SORCS1: variants seen among roughly 807,000 people sequenced by gnomAD.
SORCS1 encodes VPS10 domain-containing receptor SorCS1.
Under a neutral mutation model 146.1 loss-of-function variants are expected in SORCS1, and 60 were observed. That is an observed-to-expected ratio of 0.41 (90% CI 0.33 to 0.51). The LOEUF (loss-of-function observed/expected upper bound fraction) is 0.51. SORCS1 is among the 20% of genes least tolerant of loss of function. The pLI, the probability that SORCS1 is intolerant of heterozygous loss-of-function variation, is 0.21. For synonymous variants in SORCS1, 637 were observed against 584.0 expected (o/e 1.09, Z -1.31); for missense variants, 1,352 against 1,487.6 (o/e 0.91, Z 1.50).
At chr10:107,007,338 A>G (rs775097332) in intron 1 of SORCS1, among the ~76,000 whole-genome samples, 6 of 152,216 alleles carry the variant, frequency 3.9e-5, no homozygotes, top group Non-Finnish European at 8.8e-5. Flanking sequence ...ACAAACTGTT[A>G]GCTTCCACTT....
At chr10:107,065,333 G>A (rs893658009) in intron 1 of SORCS1, among the ~76,000 whole-genome samples, 6 of 152,108 alleles carry the variant, frequency 3.9e-5, no homozygotes, top group African/African-American at 9.7e-5. Context: ...GCAGCAAATC[G>A]TATTTAATAA....
intron 1 of SORCS1, among the ~76,000 whole-genome samples, chr10:107,081,289 C>T (rs185542437): frequency 6.6e-6 from 1 of 152,286 alleles, no homozygotes; most frequent in Non-Finnish European, 1.5e-5. Flanking sequence ...CACAGGCTAA[C>T]CCCAAATAAA....
intron 3 of SORCS1, among the ~76,000 whole-genome samples, chr10:106,798,103 C>T (rs1377089242): frequency 1.3e-5 from 2 of 152,090 alleles, no homozygotes; most frequent in African/African-American, 4.8e-5. Flanking sequence ...CCATGCTGTT[C>T]TTGTGATAGC....
intron 2 of SORCS1, among the ~76,000 whole-genome samples, chr10:106,915,558 C>T (rs1184975468): frequency 3.3e-5 from 5 of 152,140 alleles, no homozygotes; most frequent in Non-Finnish European, 7.4e-5. Flanking sequence ...CTCTCCCAGG[C>T]CCACTCTACT....
intron 3 of SORCS1, among the ~76,000 whole-genome samples, chr10:106,809,937 T>C (rs1201512895): frequency 3.3e-5 from 5 of 152,172 alleles, no homozygotes; most frequent in African/African-American, 9.7e-5. Flanking sequence ...AATGTTTAAG[T>C]TAGCCAAAAG....
chr10:106,595,755 C>T (rs537914938), intron 24 of SORCS1, among the ~76,000 whole-genome samples: 2 of 152,124 alleles, frequency 1.3e-5, no homozygotes, highest in African/African-American at 2.4e-5. Context: ...TCAGCATCCC[C>T]AAAGCCCTTT....
chr10:106,644,417 G>A (rs1268337168), intron 18 of SORCS1, among the ~76,000 whole-genome samples: 1 of 151,666 alleles, frequency 6.6e-6, no homozygotes, highest in Non-Finnish European at 1.5e-5. Context: ...CCCAGGCTGG[G>A]GTGCAGTAGT....
intron 2 of SORCS1, among the ~76,000 whole-genome samples, chr10:106,870,375 G>A (rs554935724): frequency 6.6e-6 from 1 of 152,162 alleles, no homozygotes; most frequent in Admixed American, 6.5e-5. Context: ...GGCTCAAATA[G>A]CCCAGGCAAT....
At chr10:107,014,393 T>C (rs1173878712) in intron 1 of SORCS1, among the ~76,000 whole-genome samples, 1 of 152,156 alleles carries the variant, frequency 6.6e-6, no homozygotes, top group African/African-American at 2.4e-5. Context: ...AGCCCTCTTG[T>C]GGGGGCCACT....
intron 4 of SORCS1, among the ~76,000 whole-genome samples, chr10:106,762,800 C>T (rs935820937): frequency 2.0e-5 from 3 of 151,948 alleles, no homozygotes; most frequent in African/African-American, 7.3e-5. Flanking sequence ...GGTGACAACT[C>T]CCCTCATAGA....
chr10:106,747,000 A>G (rs895226274), intron 5 of SORCS1, among the ~76,000 whole-genome samples: 2 of 152,208 alleles, frequency 1.3e-5, no homozygotes, highest in African/African-American at 2.4e-5. Context: ...TCCTGTCACA[A>G]TAGAGTCATA....
At chr10:106,716,409 C>CA (rs1301182259) in intron 6 of SORCS1, among the ~76,000 whole-genome samples, 1 of 152,152 alleles carries the variant, frequency 6.6e-6, no homozygotes, top group Admixed American at 6.5e-5. Context: ...AGCTTAGAAA[C>CA]AAAACGGATG....
At chr10:106,926,907 A>G (rs1953071076) in intron 2 of SORCS1, among the ~76,000 whole-genome samples, 1 of 151,634 alleles carries the variant, frequency 6.6e-6, no homozygotes, top group Admixed American at 6.6e-5. Context: ...AGAATGACAA[A>G]TGTCTATGTT....
At chr10:107,159,041 G>T (rs1969513321) in intron 1 of SORCS1, among the ~76,000 whole-genome samples, 1 of 152,086 alleles carries the variant, frequency 6.6e-6, no homozygotes, top group South Asian at 2.1e-4. Flanking sequence ...AAGTTAGCAA[G>T]TTCCTTAACA....
intron 3 of SORCS1, among the ~76,000 whole-genome samples, chr10:106,800,743 G>A (rs1046313667): frequency 7.9e-5 from 12 of 151,762 alleles, no homozygotes; most frequent in African/African-American, 1.2e-4. Flanking sequence ...GGGTTTCACC[G>A]TGTTAGCCAG....
At chr10:106,855,899 T>C (rs1949767130) in intron 2 of SORCS1, among the ~76,000 whole-genome samples, 1 of 152,184 alleles carries the variant, frequency 6.6e-6, no homozygotes, top group South Asian at 2.1e-4. Flanking sequence ...GTTTAATCTT[T>C]AGAAACTGGA....
At chr10:106,814,928 A>AAAC (rs1430331768) in intron 3 of SORCS1, among the ~76,000 whole-genome samples, 1 of 150,898 alleles carries the variant, frequency 6.6e-6, no homozygotes, top group African/African-American at 2.4e-5. Flanking sequence ...AAAAAAAAAA[A>AAAC]AAAAAAAGGT....
At chr10:106,885,496 A>T (rs1950962339) in intron 2 of SORCS1, among the ~76,000 whole-genome samples, 1 of 152,186 alleles carries the variant, frequency 6.6e-6, no homozygotes. Flanking sequence ...AAGGAAAGAG[A>T]TTTGGCAGGT....
In SORCS1 at chr10:106,955,536, G is replaced by A. The variant is rs368415672; in HGVS notation, c.626+977C>T. Among the ~76,000 whole-genome samples the A allele has an allele frequency of 4.2e-4, 64 of 152,328 alleles. 1 individual carries two copies. The highest frequency in any genetic ancestry group is 3.3e-3 in the East Asian group (17 of 5,176). On this transcript the variant is annotated intron_variant, in intron 2 of 25. Transcript: ENST00000263054. ...CCGGCTGTGGAGGTCTCTGGCTGGC[G>A]AAGAGGCACTGAAAAAATCCTGTAT... is the stretch of plus-strand genomic sequence containing the variant.
Sources: gnomAD v4.1 joint callset for allele counts (sites outside exome capture counted in the v4.1 genomes callset) on GRCh38, gnomAD v4.1.1 for gene constraint, MANE v1.5 for transcripts, NCBI Gene and HGNC (gene_info 2026-07-23, HGNC 2026-07-21) for gene names.